Variants in NELL1 observed in about 807,000 individuals in gnomAD.
NELL1 encodes protein kinase C-binding protein NELL1.
A neutral mutation model predicts 107.4 loss-of-function variants in NELL1; 76 were observed. The ratio of observed to expected loss-of-function variants is 0.71; its 90% CI spans 0.59 to 0.86. The LOEUF (loss-of-function observed/expected upper bound fraction) is 0.86. Among genes scored for constraint, NELL1 ranks in the 40% least tolerant of loss-of-function variants. The probability of loss-of-function intolerance (pLI) is 0.00; values close to 1 mark genes in which losing one functional copy is unlikely to be tolerated. For synonymous variants in NELL1, 353 were observed against 341.2 expected (o/e 1.03, Z -0.38); for missense variants, 1,024 against 1,005.5 (o/e 1.02, Z -0.25).
intron 15 of NELL1, among the ~76,000 whole-genome samples, chr11:21,416,853 T>G (rs930748704): frequency 6.6e-6 from 1 of 152,132 alleles, no homozygotes; most frequent in African/African-American, 2.4e-5. Context: ...CAATATTTAG[T>G]TGAGTCAGGA....
chr11:21,128,722 G>C (rs1241846962), intron 13 of NELL1, among the ~76,000 whole-genome samples: 1 of 152,200 alleles, frequency 6.6e-6, no homozygotes, highest in Non-Finnish European at 1.5e-5. Flanking sequence ...GTCCCAGCCA[G>C]GGGAGTGTGG....
intron 12 of NELL1, among the ~76,000 whole-genome samples, chr11:21,019,677 A>G (rs950914260): frequency 2.0e-5 from 3 of 152,042 alleles, no homozygotes; most frequent in African/African-American, 4.8e-5. Context: ...GCTCCCAACA[A>G]CAACAAATGA....
chr11:20,979,588 C>G (rs1863635616), intron 12 of NELL1, among the ~76,000 whole-genome samples: 1 of 152,158 alleles, frequency 6.6e-6, no homozygotes, highest in African/African-American at 2.4e-5. Flanking sequence ...CAGAGAATGG[C>G]GTATTCTGCC....
Position 21,370,415 on chromosome 11 carries a change from A to G in NELL1, c.1550-438A>G, listed in dbSNP as rs534014354. Among the ~76,000 whole-genome samples, 11 of 152,224 alleles carry G rather than the reference A, an allele frequency of 7.2e-5. No homozygotes were observed. The East Asian group carries it at 2.1e-3, about 29-fold the overall frequency. On this transcript the variant is annotated intron_variant, in intron 14 of 19. Coordinates refer to ENST00000357134, the MANE Select transcript of NELL1 (RefSeq NM_006157.5). ...TATTAAGCTATATGGACTATCAGAAATCTTTTTTAAAGAACATAAAAGTTT... is the reference window on the plus strand; with the variant it reads ...TATTAAGCTATATGGACTATCAGAAGTCTTTTTTAAAGAACATAAAAGTTT...
At chr11:20,918,303 G>A (rs748647099) in intron 6 of NELL1, 49 bp downstream of exon 6, 9 of 1,150,558 alleles carry the variant, frequency 7.8e-6, no homozygotes, top group Non-Finnish European at 1.2e-5. Context: ...CTTGTTGATT[G>A]TATCAGAGAA....
intron 10 of NELL1, among the ~76,000 whole-genome samples, chr11:20,941,378 A>G (rs1472349860): frequency 6.6e-6 from 1 of 152,192 alleles, no homozygotes; most frequent in Non-Finnish European, 1.5e-5. Context: ...TTGAAAGGTC[A>G]AAATCTGCAG....
intron 13 of NELL1, among the ~76,000 whole-genome samples, chr11:21,184,383 C>T (rs868726044): frequency 6.6e-6 from 1 of 151,792 alleles, no homozygotes; most frequent in Admixed American, 6.6e-5. Context: ...ATTCTCCTCC[C>T]TCAACCTCCT....
At chr11:21,293,315 A>G (rs1849310862) in intron 14 of NELL1, among the ~76,000 whole-genome samples, 1 of 152,212 alleles carries the variant, frequency 6.6e-6, no homozygotes, top group South Asian at 2.1e-4. Flanking sequence ...CATGCAGCTA[A>G]CAAACATATG....
chr11:21,245,617 T>A (rs940037274), intron 14 of NELL1, among the ~76,000 whole-genome samples: 4 of 152,210 alleles, frequency 2.6e-5, no homozygotes, highest in Non-Finnish European at 5.9e-5. Flanking sequence ...GTTAATTTGC[T>A]TAATCTGTTT....
chr11:21,570,990 T>C (rs375357617), intron 18 of NELL1, 50 bp downstream of exon 18: 15 of 1,555,922 alleles, frequency 9.6e-6, no homozygotes, highest in African/African-American at 1.4e-5. Context: ...TGAAAGAGGT[T>C]ACAAATTCAG....
At chr11:21,537,761 G>T (rs532209386) in intron 16 of NELL1, among the ~76,000 whole-genome samples, 132 of 152,188 alleles carry the variant, frequency 8.7e-4, no homozygotes, top group African/African-American at 3.1e-3. Context: ...AGGCATGGAT[G>T]TTCAAAACTG....
At position 21,018,038 on chromosome 11, in the gene NELL1, C is replaced by T. The variant is rs187788745; in HGVS notation, c.1300+57478C>T. Among the ~76,000 whole-genome samples the T allele has an allele frequency of 1.8e-4, 28 of 152,222 alleles. No individual in the cohort carries two copies. The East Asian group carries it at 2.7e-3, about 15-fold the overall frequency. On this transcript the variant is annotated intron_variant, in intron 12 of 19. Transcript: ENST00000357134. The stretch of plus-strand genomic sequence containing the variant: ...GGGAGAACTTTCTATCTTTCATCCA[C>T]GCCTCTGAGATCCTAGGCACAATTT...
intron 15 of NELL1, among the ~76,000 whole-genome samples, chr11:21,496,103 T>C (rs1302764564): frequency 6.6e-6 from 1 of 152,018 alleles, no homozygotes; most frequent in East Asian, 1.9e-4. Context: ...GATAGATTAA[T>C]TTTTCATTTT....
chr11:21,326,951 A>G (rs568190348), intron 14 of NELL1, among the ~76,000 whole-genome samples: 361 of 152,034 alleles, frequency 2.4e-3, no homozygotes, highest in African/African-American at 8.5e-3. Context: ...TTGTTTTTAA[A>G]TGAGTTTCAT....
At chr11:21,134,500 G>A (rs553429858) in intron 13 of NELL1, among the ~76,000 whole-genome samples, 3 of 152,170 alleles carry the variant, frequency 2.0e-5, no homozygotes, top group African/African-American at 4.8e-5. Flanking sequence ...AACCAAACTC[G>A]TCTATGCTCC....
chr11:21,170,690 TATATATATACTGTATTA>T (rs1856587192), intron 13 of NELL1, among the ~76,000 whole-genome samples: 2 of 140,616 alleles, frequency 1.4e-5, no homozygotes, highest in Non-Finnish European at 3.1e-5. Flanking sequence ...TACTGTAGTT[TATATATATACTGTATTA>T]TATATATATA....
At chr11:21,419,200 A>C (rs951876991) in intron 15 of NELL1, among the ~76,000 whole-genome samples, 6 of 152,126 alleles carry the variant, frequency 3.9e-5, no homozygotes, top group Non-Finnish European at 7.4e-5. Context: ...AGCCCAAAGC[A>C]TAAAACAGTG....
At chr11:21,529,374 A>C (rs537098830) in intron 15 of NELL1, among the ~76,000 whole-genome samples, 1 of 152,322 alleles carries the variant, frequency 6.6e-6, no homozygotes, top group South Asian at 2.1e-4. Flanking sequence ...CACATCCCTA[A>C]GAACCCAAGA....
intron 15 of NELL1, among the ~76,000 whole-genome samples, chr11:21,419,260 T>G (rs934074416): frequency 1.3e-5 from 2 of 152,134 alleles, no homozygotes; most frequent in Admixed American, 6.6e-5. Context: ...TGGGGAGCTA[T>G]GATGAAAAAT....
Sources: gnomAD v4.1 joint callset for allele counts (sites outside exome capture counted in the v4.1 genomes callset) on GRCh38, gnomAD v4.1.1 for gene constraint, MANE v1.5 for transcripts, NCBI Gene and HGNC (gene_info 2026-07-23, HGNC 2026-07-21) for gene names.